The following AGBL4 variants were observed in gnomAD, a reference collection of about 807,000 sequenced individuals.
AGBL4 encodes the protein AGBL carboxypeptidase 4, also known as cytosolic carboxypeptidase 6.
AGBL4 carries 58 observed loss-of-function variants against 66.4 expected under a neutral mutation model. The observed-to-expected ratio is 0.87, with a 90% CI of 0.71 to 1.09. The LOEUF is 1.09. Ranked by LOEUF, AGBL4 falls within the 50% of genes least tolerant of loss-of-function variation. AGBL4 has a pLI of 0.00. For synonymous variants in AGBL4, 234 were observed against 222.9 expected (o/e 1.05, Z -0.44); for missense variants, 579 against 631.0 (o/e 0.92, Z 0.88).
intron 3 of AGBL4, among the ~76,000 whole-genome samples, chr1:49,388,370 C>T (rs1009970404): frequency 1.3e-5 from 2 of 150,344 alleles, no homozygotes; most frequent in African/African-American, 2.4e-5. Context: ...ACTTAATGTA[C>T]AAAAAAAAAT....
chr1:49,148,188 T>A (rs1243811542), intron 4 of AGBL4, among the ~76,000 whole-genome samples: 2 of 152,214 alleles, frequency 1.3e-5, no homozygotes, highest in African/African-American at 4.8e-5. Context: ...GTTCCTCGAA[T>A]ACATTAGGTA....
intron 5 of AGBL4, among the ~76,000 whole-genome samples, chr1:48,917,682 T>C (rs1478101190): frequency 6.6e-6 from 1 of 152,236 alleles, no homozygotes; most frequent in Non-Finnish European, 1.5e-5. Context: ...ATGTTCATAA[T>C]GATATTTTGA....
At chr1:49,190,428 T>C (rs1177913318) in intron 4 of AGBL4, among the ~76,000 whole-genome samples, 2 of 152,208 alleles carry the variant, frequency 1.3e-5, no homozygotes, top group Non-Finnish European at 2.9e-5. Flanking sequence ...GCTTAACTTT[T>C]TATCAATCAT....
intron 3 of AGBL4, among the ~76,000 whole-genome samples, chr1:49,615,312 G>A (rs1645230247): frequency 6.6e-6 from 1 of 152,080 alleles, no homozygotes; most frequent in African/African-American, 2.4e-5. Flanking sequence ...CTAGAAAAGA[G>A]AATATACTTC....
chr1:49,855,213 T>A (rs990383531), intron 1 of AGBL4, among the ~76,000 whole-genome samples: 1 of 152,088 alleles, frequency 6.6e-6, no homozygotes, highest in African/African-American at 2.4e-5. Context: ...AGTAAGATGA[T>A]ATAACAAATA....
chr1:49,622,756 C>A (rs534863872), intron 3 of AGBL4, among the ~76,000 whole-genome samples: 7 of 150,218 alleles, frequency 4.7e-5, no homozygotes, highest in Non-Finnish European at 7.4e-5. Context: ...ACATATAAAA[C>A]GCTCAGAAAA....
At chr1:48,763,100 AAACAAC>A (rs138330596) in intron 6 of AGBL4, among the ~76,000 whole-genome samples, 38,220 of 151,084 alleles carry the variant, frequency 0.25, 6,102 homozygotes, top group East Asian at 0.69. Context: ...GATTTAATTA[AAACAAC>A]AACAACAACA....
chr1:48,862,392 G>A (rs1002810162), intron 6 of AGBL4, among the ~76,000 whole-genome samples: 6 of 152,078 alleles, frequency 3.9e-5, no homozygotes, highest in African/African-American at 9.7e-5. Flanking sequence ...GGTGATCTCC[G>A]CTCACTGCAA....
In AGBL4 at chr1:49,060,470, A is replaced by C. The variant is rs558740499; in HGVS notation, c.378-14670T>G. 2.1e-4 allele frequency among the ~76,000 whole-genome samples: 32 copies of C among 152,298 alleles called. 1 individual carries two copies. The South Asian group carries it at 5.6e-3, about 27-fold the overall frequency. On this transcript the variant is annotated intron_variant, in intron 4 of 13. Transcript: ENST00000371839. Reference sequence around the variant, plus strand: ...TACTAATACACAGCCTCATGAGATAAGAGATTTTAAGCAGGAGTATTCATT... The same window carrying C: ...TACTAATACACAGCCTCATGAGATACGAGATTTTAAGCAGGAGTATTCATT...
chr1:49,610,033 C>T (rs1645126521), intron 3 of AGBL4, among the ~76,000 whole-genome samples: 1 of 151,718 alleles, frequency 6.6e-6, no homozygotes, highest in African/African-American at 2.4e-5. Flanking sequence ...AACTAGGAAA[C>T]AGATTCAAAG....
chr1:49,239,792 T>A (rs1038918189), intron 4 of AGBL4, among the ~76,000 whole-genome samples: 1 of 152,024 alleles, frequency 6.6e-6, no homozygotes, highest in Non-Finnish European at 1.5e-5. Context: ...ATGACAAAAA[T>A]CCTTACCCCT....
intron 6 of AGBL4, among the ~76,000 whole-genome samples, chr1:48,733,081 C>T (rs1177102750): frequency 1.3e-5 from 2 of 152,162 alleles, no homozygotes; most frequent in East Asian, 3.9e-4. Context: ...AAGGCATTAC[C>T]AGGGAACACA....
At chr1:49,628,741 T>A (rs1209334371) in intron 3 of AGBL4, among the ~76,000 whole-genome samples, 2 of 152,214 alleles carry the variant, frequency 1.3e-5, no homozygotes, top group Non-Finnish European at 2.9e-5. Context: ...GGCAGGAGAC[T>A]TAACATAGTC....
chr1:49,119,044 T>A (rs1247928513), intron 4 of AGBL4, among the ~76,000 whole-genome samples: 1 of 152,184 alleles, frequency 6.6e-6, no homozygotes, highest in African/African-American at 2.4e-5. Context: ...GGTGGTGATA[T>A]CCTCTTTATC....
At chr1:49,767,237 AT>A (rs1652796654) in intron 2 of AGBL4, among the ~76,000 whole-genome samples, 1 of 152,146 alleles carries the variant, frequency 6.6e-6, no homozygotes. Context: ...TTAAAAAAAA[AT>A]AAAAGTCATA....
Position 49,262,239 on chromosome 1 carries a change from C to T in AGBL4, c.283-16375G>A, listed in dbSNP as rs1331846069. Among the ~76,000 whole-genome samples, 3 of 152,314 alleles carry T rather than the reference C, an allele frequency of 2.0e-5. 1 individual carries two copies. Among genetic ancestry groups the T allele is most frequent in the African/African-American group, 7.2e-5 (3 of 41,572 alleles). On this transcript the variant is annotated intron_variant, in intron 3 of 13. Transcript: ENST00000371839. ...AAAACCTAGGCATTACCATTCAGGA[C>T]ATAGGCATGGGCAAGGACTTCATGT...
At chr1:48,800,433 T>A (rs937983705) in intron 6 of AGBL4, among the ~76,000 whole-genome samples, 1 of 152,198 alleles carries the variant, frequency 6.6e-6, no homozygotes, top group Non-Finnish European at 1.5e-5. Context: ...ATTTTGTTTA[T>A]CCTTTCAAAG....
At chr1:48,893,711 T>A (rs905744995) in intron 5 of AGBL4, among the ~76,000 whole-genome samples, 2 of 151,444 alleles carry the variant, frequency 1.3e-5, no homozygotes, top group Non-Finnish European at 2.9e-5. Flanking sequence ...AATAAAAAGA[T>A]AAAAAAGACT....
chr1:49,844,924 G>A, intron 2 of AGBL4: 1 of 1,363,536 alleles, frequency 7.3e-7, no homozygotes, highest in Non-Finnish European at 1.0e-6. Flanking sequence ...ACAGAGGAAT[G>A]GGTTTGGGGA....
Sources: allele counts gnomAD v4.1 joint callset (sites outside exome capture counted in the v4.1 genomes callset), GRCh38; gene constraint gnomAD v4.1.1; transcripts MANE v1.5; gene names NCBI Gene and HGNC (gene_info 2026-07-23, HGNC 2026-07-21).